CSMD1: variants seen among roughly 807,000 people sequenced by gnomAD.
CSMD1 encodes the protein CUB and sushi domain-containing protein 1.
Under a neutral mutation model 417.5 loss-of-function variants are expected in CSMD1, and 213 were observed. The ratio of observed to expected loss-of-function variants is 0.51; its 90% CI spans 0.46 to 0.57. CSMD1 has a LOEUF of 0.57. Among genes scored for constraint, CSMD1 ranks in the 20% least tolerant of loss-of-function variants. CSMD1 has a pLI of 0.00. For missense variants in CSMD1, 6,923 were observed against 4,529.7 expected (o/e 1.53, Z -15.17); for synonymous variants, 2,862 against 1,736.8 (o/e 1.65, Z -16.11).
intron 52 of CSMD1, 109 bp from the exon 53 acceptor site, chr8:3,000,240 T>C (rs1807279713): frequency 3.5e-6 from 2 of 569,960 alleles, no homozygotes; most frequent in South Asian, 1.0e-4. Flanking sequence ...GCGCAACATA[T>C]TGAAATCTTT....
chr8:3,219,514 G>C, intron 28 of CSMD1, 72 bp from the exon 29 acceptor site: 1 of 1,085,696 alleles, frequency 9.2e-7, no homozygotes, highest in Non-Finnish European at 1.2e-6. Context: ...AAGCCTTTGA[G>C]CTCAGAAAGT....
chr8:4,413,896 G>C (rs1796787273), intron 3 of CSMD1, among the ~76,000 whole-genome samples: 1 of 152,160 alleles, frequency 6.6e-6, no homozygotes, highest in Non-Finnish European at 1.5e-5. Flanking sequence ...ACCAGTCTAA[G>C]TTACCTAATT....
intron 5 of CSMD1, among the ~76,000 whole-genome samples, chr8:3,821,130 C>A (rs537175719): frequency 1.3e-5 from 2 of 152,024 alleles, no homozygotes; most frequent in Non-Finnish European, 1.5e-5. Context: ...GTAAGCCAGG[C>A]TGGTCTCGAA....
chr8:3,674,466 A>G (rs963261184), intron 7 of CSMD1, among the ~76,000 whole-genome samples: 4 of 152,172 alleles, frequency 2.6e-5, no homozygotes, highest in Non-Finnish European at 5.9e-5. Flanking sequence ...ATTATTATAA[A>G]CAAAAAATGA....
At chr8:3,462,222 T>A (rs1039228964) in intron 12 of CSMD1, among the ~76,000 whole-genome samples, 2 of 152,104 alleles carry the variant, frequency 1.3e-5, no homozygotes, top group Non-Finnish European at 2.9e-5. Flanking sequence ...GCCACCCATG[T>A]CAATGGTCAA....
chr8:4,817,182 G>A (rs1363957802), intron 1 of CSMD1, among the ~76,000 whole-genome samples: 5 of 152,020 alleles, frequency 3.3e-5, no homozygotes, highest in Non-Finnish European at 7.4e-5. Context: ...CTATACTCAT[G>A]TATAAATATT....
chr8:3,217,526 T>A (rs1030876381), intron 29 of CSMD1, among the ~76,000 whole-genome samples: 3 of 152,160 alleles, frequency 2.0e-5, no homozygotes, highest in African/African-American at 7.2e-5. Flanking sequence ...CTTGCCTGCA[T>A]GATTTTGTTG....
At chr8:3,454,036 T>C (rs1335762302) in intron 12 of CSMD1, among the ~76,000 whole-genome samples, 1 of 152,220 alleles carries the variant, frequency 6.6e-6, no homozygotes, top group Non-Finnish European at 1.5e-5. Flanking sequence ...TTAGCTCTTC[T>C]TGTTGAATTG....
intron 3 of CSMD1, among the ~76,000 whole-genome samples, chr8:4,290,907 C>T (rs1797324670): frequency 6.6e-6 from 1 of 152,176 alleles, no homozygotes; most frequent in Admixed American, 6.5e-5. Flanking sequence ...GTAATTCCGC[C>T]AGTTCACAAC....
At chr8:4,491,710 G>C (rs1306734349) in intron 2 of CSMD1, among the ~76,000 whole-genome samples, 1 of 152,120 alleles carries the variant, frequency 6.6e-6, no homozygotes, top group African/African-American at 2.4e-5. Flanking sequence ...AATCCAGAAT[G>C]GCAACACAAC....
At chr8:4,356,134 G>C (rs917247624) in intron 3 of CSMD1, among the ~76,000 whole-genome samples, 17 of 152,212 alleles carry the variant, frequency 1.1e-4, no homozygotes, top group Non-Finnish European at 1.9e-4. Context: ...AGTTCCCAAA[G>C]TCCATTGTAT....
chr8:3,162,989 T>A (rs1298446693), intron 37 of CSMD1, among the ~76,000 whole-genome samples: 1 of 152,176 alleles, frequency 6.6e-6, no homozygotes, highest in Non-Finnish European at 1.5e-5. Context: ...GTATAAATCC[T>A]TATCATAAGA....
In CSMD1 at chr8:4,808,173, G is replaced by C. The variant is rs114316385; in HGVS notation, c.86-170615C>G. 3.6e-3 allele frequency among the ~76,000 whole-genome samples: 554 copies of C among 152,268 alleles called. 8 individuals carry two copies. Among genetic ancestry groups the C allele is most frequent in the African/African-American group, 0.012 (516 of 41,552 alleles). ...ATTCCGGCGGTGTGGAGTCACAGAG[G>C]GCGGCAGGCAGATTGGTTTCATTGC... On this transcript the variant is annotated intron_variant, in intron 1 of 69. Transcript: ENST00000635120.
chr8:4,887,837 C>T (rs1437390670), intron 1 of CSMD1, among the ~76,000 whole-genome samples: 3 of 151,888 alleles, frequency 2.0e-5, no homozygotes, highest in African/African-American at 4.8e-5. Flanking sequence ...GAGCAGTGTT[C>T]GTACAGCCAC....
At chr8:4,016,812 A>G (rs1416395059) in intron 4 of CSMD1, among the ~76,000 whole-genome samples, 1 of 152,164 alleles carries the variant, frequency 6.6e-6, no homozygotes, top group Non-Finnish European at 1.5e-5. Flanking sequence ...GTTTTATTTG[A>G]CATCCATGAG....
At chr8:4,166,034 T>A (rs550257399) in intron 3 of CSMD1, among the ~76,000 whole-genome samples, 1 of 152,320 alleles carries the variant, frequency 6.6e-6, no homozygotes, top group African/African-American at 2.4e-5. Flanking sequence ...TTCTTGACCT[T>A]ATTTACATGC....
chr8:3,310,027 A>C (rs79708716), intron 23 of CSMD1, among the ~76,000 whole-genome samples: 3,061 of 152,336 alleles, frequency 0.02, 41 homozygotes, highest in East Asian at 0.036. Flanking sequence ...ATTTTAATTC[A>C]GATGCCTGGA....
intron 4 of CSMD1, 100 bp downstream of exon 4, chr8:4,031,805 C>T (rs1435969047): frequency 4.6e-6 from 4 of 868,696 alleles, no homozygotes; most frequent in Non-Finnish European, 6.8e-6. Context: ...GTCAGCTCAA[C>T]ATGTATTATT....
At chr8:3,956,997 A>T (rs907436638) in intron 5 of CSMD1, among the ~76,000 whole-genome samples, 7 of 152,172 alleles carry the variant, frequency 4.6e-5, no homozygotes, top group Non-Finnish European at 1.0e-4. Flanking sequence ...GCCCTAAAAA[A>T]TGAAACCCAC....
Sources: gnomAD v4.1 joint callset for allele counts (sites outside exome capture counted in the v4.1 genomes callset) on GRCh38, gnomAD v4.1.1 for gene constraint, MANE v1.5 for transcripts, NCBI Gene and HGNC (gene_info 2026-07-23, HGNC 2026-07-21) for gene names.